The following AKAP12 variants were observed in gnomAD, a reference collection of about 807,000 sequenced individuals.
AKAP12 encodes the protein A-kinase anchoring protein 12, also known as A-kinase anchor protein 12.
In AKAP12, 32 loss-of-function variants were observed where a neutral mutation model predicts 79.9. The ratio of observed to expected loss-of-function variants is 0.40; its 90% CI spans 0.30 to 0.54. The LOEUF (loss-of-function observed/expected upper bound fraction) is 0.54. Among genes scored for constraint, AKAP12 ranks in the 20% least tolerant of loss-of-function variants. The pLI is 0.48. For synonymous variants in AKAP12, 808 were observed against 857.0 expected (o/e 0.94, Z 1.00); for missense variants, 2,074 against 2,177.0 (o/e 0.95, Z 0.94).
intron 2 of AKAP12, among the ~76,000 whole-genome samples, chr6:151,257,800 A>C (rs1797330836): frequency 1.3e-5 from 2 of 152,142 alleles, no homozygotes; most frequent in South Asian, 4.1e-4. Context: ...TCATATTTTT[A>C]ATCTCCTTAT....
intron 2 of AKAP12, among the ~76,000 whole-genome samples, chr6:151,265,630 A>G (rs2060834010): frequency 6.6e-6 from 1 of 152,256 alleles, no homozygotes; most frequent in African/African-American, 2.4e-5. Flanking sequence ...CTTTAGGGAA[A>G]AAGGACCACT....
chr6:151,250,841 C>T (rs1303155488), intron 2 of AKAP12, among the ~76,000 whole-genome samples: 7 of 152,058 alleles, frequency 4.6e-5, no homozygotes, highest in Middle Eastern at 3.4e-3. Context: ...CTCCTGACCT[C>T]GTGATCCACC....
rs1248915114 is a variant in AKAP12 at position 151,351,436 on chromosome 6, C to A, written c.3045C>A (p.Thr1015=). 1 of 1,614,180 alleles carries A rather than the reference C, an allele frequency of 6.2e-7. No homozygotes were observed. The part of the protein sequence containing the change: ...AVSQLTDSPD[T]TEEATPVQEV... ...CCCAGTTAACCGACTCCCCAGACACCACAGAGGAGGCCACTCCGGTGCAGG... is the reference window on the plus strand; with the variant it reads ...CCCAGTTAACCGACTCCCCAGACACAACAGAGGAGGCCACTCCGGTGCAGG... Residue 1015 remains threonine, a synonymous_variant, in exon 4 of 5, where the codon ACC becomes ACA. Transcript: ENST00000402676. The surrounding 1 kb of genome is among the most constrained non-coding windows in gnomAD (Gnocchi z 4.4).
At chr6:151,348,680 T>TGGG in intron 3 of AKAP12, 31 bp from the exon 4 acceptor site, 2 of 355,202 alleles carry the variant, frequency 5.6e-6, no homozygotes, top group African/African-American at 2.4e-5. Context: ...TTTTCTCTTC[T>TGGG]CCCCACCCCC....
intron 2 of AKAP12, among the ~76,000 whole-genome samples, chr6:151,253,742 CCTG>C (rs1399772936): frequency 3.3e-5 from 5 of 151,914 alleles, no homozygotes; most frequent in Non-Finnish European, 7.4e-5. Flanking sequence ...GAGGCAGAGT[CCTG>C]CTCTGTTACC....
At chr6:151,307,981 T>C (rs1221092679) in intron 3 of AKAP12, among the ~76,000 whole-genome samples, 1 of 151,984 alleles carries the variant, frequency 6.6e-6, no homozygotes, top group Admixed American at 6.6e-5. Flanking sequence ...CGCCTCCGGC[T>C]CCAGTGATTC....
At chr6:151,277,701 T>G (rs1776312477) in intron 2 of AKAP12, among the ~76,000 whole-genome samples, 2 of 152,234 alleles carry the variant, frequency 1.3e-5, no homozygotes, top group Admixed American at 1.3e-4. Context: ...AATCCCATTT[T>G]TTATTTAGTT....
intron 3 of AKAP12, among the ~76,000 whole-genome samples, chr6:151,319,451 A>G (rs898882912): frequency 9.9e-5 from 14 of 140,942 alleles, no homozygotes; most frequent in African/African-American, 3.4e-4. Flanking sequence ...CTGTCTATCT[A>G]TCTATCTATC....
chr6:151,326,163 G>T (rs990093818), intron 3 of AKAP12, among the ~76,000 whole-genome samples: 3 of 152,202 alleles, frequency 2.0e-5, no homozygotes, highest in Non-Finnish European at 2.9e-5. Context: ...ATTTTGTTCG[G>T]GGTTGTACCC....
intron 2 of AKAP12, among the ~76,000 whole-genome samples, chr6:151,305,020 G>A (rs1776946916): frequency 1.3e-5 from 2 of 152,186 alleles, no homozygotes; most frequent in South Asian, 4.1e-4. Context: ...GCTGGGCTCT[G>A]GGAGCACTGG....
At chr6:151,325,635 G>A (rs1482044586) in intron 3 of AKAP12, 2 of 1,385,840 alleles carry the variant, frequency 1.4e-6, no homozygotes, top group East Asian at 5.5e-5. Context: ...GCGTGGGTGG[G>A]GGTCCGCCTA....
At chr6:151,255,524 G>A (rs1263212652) in intron 2 of AKAP12, among the ~76,000 whole-genome samples, 5 of 152,008 alleles carry the variant, frequency 3.3e-5, no homozygotes, top group African/African-American at 9.7e-5. Context: ...AGAGTCAGGC[G>A]TAGTGGCTCA....
At chr6:151,317,605 G>A (rs1216528102) in intron 3 of AKAP12, among the ~76,000 whole-genome samples, 2 of 152,164 alleles carry the variant, frequency 1.3e-5, no homozygotes, top group African/African-American at 2.4e-5. Context: ...GAACAACTTA[G>A]TTTGCTTTAA....
intron 2 of AKAP12, among the ~76,000 whole-genome samples, chr6:151,273,109 G>A (rs543547832): frequency 6.6e-5 from 10 of 152,056 alleles, no homozygotes; most frequent in African/African-American, 1.9e-4. Context: ...GGGTTTCACC[G>A]TGGTAGCCAG....
chr6:151,311,521 C>G (rs183955532), intron 3 of AKAP12, among the ~76,000 whole-genome samples: 2 of 152,136 alleles, frequency 1.3e-5, no homozygotes, highest in Admixed American at 1.3e-4. Context: ...ACCCCCCACC[C>G]CCGGGGAAAA....
At chr6:151,267,298 C>T (rs545933236) in intron 2 of AKAP12, among the ~76,000 whole-genome samples, 1 of 152,206 alleles carries the variant, frequency 6.6e-6, no homozygotes, top group African/African-American at 2.4e-5. Flanking sequence ...TTTGAATAGA[C>T]TCTTATGCCA....
chr6:151,305,468 A>G (rs1363886766), intron 2 of AKAP12, among the ~76,000 whole-genome samples: 2 of 152,192 alleles, frequency 1.3e-5, no homozygotes, highest in Non-Finnish European at 2.9e-5. Flanking sequence ...TATTTGAAAT[A>G]GGTCTGGAAA....
intron 2 of AKAP12, among the ~76,000 whole-genome samples, chr6:151,283,923 A>G (rs1260800663): frequency 6.6e-6 from 1 of 152,144 alleles, no homozygotes; most frequent in Non-Finnish European, 1.5e-5. Context: ...TTCTCCCCTG[A>G]ATGGACACAG....
chr6:151,258,019 C>T (rs931871307), intron 2 of AKAP12, among the ~76,000 whole-genome samples: 4 of 152,162 alleles, frequency 2.6e-5, no homozygotes, highest in Non-Finnish European at 4.4e-5. Context: ...TTCTATGGCA[C>T]GTAATTGCAT....
Sources: gnomAD v4.1 joint callset for allele counts (sites outside exome capture counted in the v4.1 genomes callset) on GRCh38, gnomAD v4.1.1 for gene constraint, Gnocchi (gnomAD v3.1) non-coding constraint, MANE v1.5 for transcripts, NCBI Gene and HGNC (gene_info 2026-07-23, HGNC 2026-07-21) for gene names.